The following ECPAS variants were observed in gnomAD, a reference collection of about 807,000 sequenced individuals.
ECPAS encodes proteasome adapter and scaffold protein ECM29.
A neutral mutation model predicts 255.1 loss-of-function variants in ECPAS; 70 were observed. The observed-to-expected ratio is 0.27, with a 90% CI of 0.23 to 0.33. ECPAS has a LOEUF of 0.33. Among genes scored for constraint, ECPAS ranks in the 10% least tolerant of loss-of-function variants. The pLI, the probability that ECPAS is intolerant of heterozygous loss-of-function variation, is 1.00. For missense variants in ECPAS, 1,817 were observed against 2,206.4 expected (o/e 0.82, Z 3.54); for synonymous variants, 784 against 775.0 (o/e 1.01, Z -0.19).
At chr9:111,422,918 A>C (rs2098216255) in intron 13 of ECPAS, among the ~76,000 whole-genome samples, 1 of 152,242 alleles carries the variant, frequency 6.6e-6, no homozygotes, top group Non-Finnish European at 1.5e-5. Context: ...AGGTCAATCA[A>C]AAGTCTCTAG....
intron 3 of ECPAS, among the ~76,000 whole-genome samples, chr9:111,450,184 T>C (rs1043308908): frequency 5.3e-5 from 8 of 152,080 alleles, no homozygotes; most frequent in Non-Finnish European, 8.8e-5. Context: ...CAGTAAATAT[T>C]TGCTAAATAA....
chr9:111,483,977 C>T, intron 1 of ECPAS, 139 bp downstream of exon 1: 1 of 994,358 alleles, frequency 1.0e-6, no homozygotes, highest in Non-Finnish European at 1.2e-6. Context: ...GCGGCTCGTC[C>T]TGCCCACCTG....
In ECPAS at chr9:111,434,896, C is replaced by CTT. The variant is rs3031129; in HGVS notation, c.709-1526_709-1525dup. On this transcript the variant is annotated intron_variant, in intron 7 of 49. Coordinates refer to ENST00000684092, the MANE Select transcript of ECPAS (RefSeq NM_001364929.1). The stretch of plus-strand genomic sequence containing the variant: ...TACAGGCATGAGCCACCACATCTGG[C>CTT]TTTTTTTTTTTTTTTTTTTTTACAC... Among the ~76,000 whole-genome samples, 110 of 92,146 alleles carry CTT rather than the reference C, an allele frequency of 1.2e-3. 6 individuals carry two copies. Among genetic ancestry groups the CTT allele is most frequent in the Middle Eastern group, 8.9e-3 (1 of 112 alleles). The allele number at this position is 92,146 out of a possible 152,430, so 60.5% of individuals were successfully genotyped here. A position where few individuals can be genotyped will look rare whatever the true frequency, so the allele number is the denominator to read the frequency against.
At chr9:111,381,736 C>T (rs889831967) in intron 35 of ECPAS, among the ~76,000 whole-genome samples, 2 of 152,180 alleles carry the variant, frequency 1.3e-5, no homozygotes, top group Non-Finnish European at 2.9e-5. Context: ...ACCATTTTCA[C>T]ACTTTAAAAA....
intron 1 of ECPAS, among the ~76,000 whole-genome samples, chr9:111,482,244 C>G (rs1007126416): frequency 1.3e-5 from 2 of 152,136 alleles, no homozygotes; most frequent in African/African-American, 4.8e-5. Flanking sequence ...TTGTCTCCTC[C>G]GACTCTCCAA....
At chr9:111,462,648 G>C (rs962898264) in intron 2 of ECPAS, among the ~76,000 whole-genome samples, 1 of 151,418 alleles carries the variant, frequency 6.6e-6, no homozygotes, top group Non-Finnish European at 1.5e-5. Flanking sequence ...TAAATCTAAT[G>C]AAACATGTCA....
intron 2 of ECPAS, among the ~76,000 whole-genome samples, chr9:111,467,245 AAAGAG>A (rs1422073453): frequency 6.6e-5 from 10 of 152,150 alleles, no homozygotes; most frequent in Non-Finnish European, 8.8e-5. Context: ...AGAGATGAGA[AAAGAG>A]AAGAGAAGAG....
rs375720883 is a variant in ECPAS, at chr9:111,392,734, G to T, written c.3092+34C>A. On this transcript the variant is annotated intron_variant, in intron 28 of 49. Transcript: ENST00000684092. ...CACTATGTGTAGAGACTTCCTCTAT[G>T]GGCTTGAATCTAAAATTTTCAAGTT... 301 of 1,415,258 alleles carry T rather than the reference G, an allele frequency of 2.1e-4. No homozygotes were observed. The African/African-American group carries it at 3.9e-3, about 18-fold the overall frequency. The allele number at this position is 1,415,258 out of a possible 1,614,324, so 87.7% of individuals were successfully genotyped here.
intron 1 of ECPAS, among the ~76,000 whole-genome samples, chr9:111,477,106 T>C (rs2098297197): frequency 6.6e-6 from 1 of 151,172 alleles, no homozygotes; most frequent in Non-Finnish European, 1.5e-5. Context: ...CTGGTCCTTT[T>C]TTCTTTTTTT....
At chr9:111,390,908 C>T (rs1378030079) in intron 29 of ECPAS, among the ~76,000 whole-genome samples, 1 of 152,346 alleles carries the variant, frequency 6.6e-6, no homozygotes, top group East Asian at 1.9e-4. Flanking sequence ...CCTAGCTATG[C>T]TTCCAGGTGT....
Position 111,472,911 on chromosome 9 carries a change from T to C in ECPAS, c.8A>G (p.His3Arg). 4.0e-6 allele frequency: 5 copies of C among 1,239,538 alleles called. No homozygotes were observed. The highest frequency in any genetic ancestry group is 5.2e-6 in the Non-Finnish European group (5 of 957,708). The allele number at this position is 1,239,538 out of a possible 1,614,324, so 76.8% of individuals were successfully genotyped here. ...AATCTACTAACCTCTACAATCAATG[T>C]GATACATGGTTTATCCAATCTTGAC... MY[H>R]IDCRDQLERV... The change falls in exon 2 of 50, where the codon CAC becomes CGC. Residue 3 changes from histidine to arginine, a missense_variant. Around this residue, in one of 4 missense-constraint regions of ECPAS, gnomAD observed 90 missense variants for 158.5 expected, o/e 0.57. Transcript: ENST00000684092.
At chr9:111,477,824 A>ATGT (rs2098298332) in intron 1 of ECPAS, among the ~76,000 whole-genome samples, 1 of 152,042 alleles carries the variant, frequency 6.6e-6, no homozygotes, top group Admixed American at 6.5e-5. Flanking sequence ...TGACTCAAAC[A>ATGT]TGAGGTTTGT....
intron 21 of ECPAS, 36 bp from the exon 22 acceptor site, chr9:111,411,178 C>T: frequency 1.2e-6 from 2 of 1,606,902 alleles, no homozygotes; most frequent in Non-Finnish European, 1.7e-6. Flanking sequence ...ATCTCTGGCT[C>T]TCTCTCATAT....
At chr9:111,362,538 T>G (rs1335989753) in intron 49 of ECPAS, among the ~76,000 whole-genome samples, 1 of 151,492 alleles carries the variant, frequency 6.6e-6, no homozygotes, top group Non-Finnish European at 1.5e-5. Flanking sequence ...GACCATTTCA[T>G]AAGATACGGT....
chr9:111,388,757 A>G (rs2098154580), intron 31 of ECPAS, among the ~76,000 whole-genome samples: 1 of 152,214 alleles, frequency 6.6e-6, no homozygotes, highest in African/African-American at 2.4e-5. Context: ...AGCAGAATCA[A>G]CAGAATTTGC....
At chr9:111,383,428 G>A (rs972709790) in intron 34 of ECPAS, 96 bp from the exon 35 acceptor site, 23 of 1,419,994 alleles carry the variant, frequency 1.6e-5, no homozygotes, top group Non-Finnish European at 2.0e-5. Context: ...TATCTACAGG[G>A]AAGAATAAGT....
At chr9:111,411,213 GT>G in intron 21 of ECPAS, 71 bp from the exon 22 acceptor site, 1 of 1,460,506 alleles carries the variant, frequency 6.8e-7, no homozygotes, top group South Asian at 1.2e-5. Flanking sequence ...GGCAGTAACT[GT>G]GTGTCGATTA....
chr9:111,416,386 C>A (rs1349695044), intron 17 of ECPAS, 34 bp from the exon 18 acceptor site: 1 of 1,538,030 alleles, frequency 6.5e-7, no homozygotes, highest in African/African-American at 1.4e-5. Context: ...GACACAATTA[C>A]TGAAAAATGA....
intron 6 of ECPAS, 101 bp downstream of exon 6, chr9:111,440,271 A>T (rs1055669196): frequency 6.1e-5 from 61 of 993,452 alleles, no homozygotes; most frequent in Non-Finnish European, 1.9e-5. Context: ...GGATGTTGAG[A>T]TGCATTCATT....
Sources: allele counts gnomAD v4.1 joint callset (sites outside exome capture counted in the v4.1 genomes callset), GRCh38; gene constraint gnomAD v4.1.1; regional missense constraint gnomAD v4.1.1; transcripts MANE v1.5; gene names NCBI Gene and HGNC (gene_info 2026-07-23, HGNC 2026-07-21).